The following RSF1 variants were observed in gnomAD, a reference collection of about 807,000 sequenced individuals.
The protein encoded by RSF1 is HBV pX-associated protein 8.
A neutral mutation model predicts 145.2 loss-of-function variants in RSF1; 13 were observed. The observed-to-expected ratio is 0.09, with a 90% CI of 0.06 to 0.14. RSF1 has a LOEUF of 0.14. Ranked by LOEUF, RSF1 falls within the 10% of genes least tolerant of loss-of-function variation. The pLI, the probability that RSF1 is intolerant of heterozygous loss-of-function variation, is 1.00. For missense variants in RSF1, 1,517 were observed against 1,718.2 expected (o/e 0.88, Z 2.07); for synonymous variants, 577 against 592.6 (o/e 0.97, Z 0.38).
intron 1 of RSF1, among the ~76,000 whole-genome samples, chr11:77,813,911 TAAG>T (rs915789427): frequency 1.3e-5 from 2 of 149,190 alleles, no homozygotes; most frequent in African/African-American, 5.0e-5. Flanking sequence ...AGGATAAAAA[TAAG>T]AAGTGGCTGG....
At chr11:77,846,535 C>T in the RSF1 span, among the ~76,000 whole-genome samples, 61 of 152,106 alleles carry the variant, frequency 4.0e-4, no homozygotes, top group Admixed American at 2.6e-3. Context: ...GGAGAAACCC[C>T]GTCTCTACTA....
Position 77,662,181 on chromosome 11 carries a change from T to C in RSF1, c.*4736A>G, listed in dbSNP as rs1246125834. On this transcript the variant is annotated 3_prime_UTR_variant, in exon 16 of 16. Transcript: ENST00000308488. The stretch of plus-strand genomic sequence containing the variant: ...ACTCATCTATTGTTATGCCCTCTTA[T>C]ATAACTTATGTATAGGATAGTCATA... The C allele has an allele frequency of 6.6e-6, 1 of 152,158 alleles. No homozygotes were observed. Among genetic ancestry groups the C allele is most frequent in the Non-Finnish European group, 1.5e-5 (1 of 68,022 alleles). The allele number at this position is 152,158 out of a possible 1,614,324, so 9.4% of individuals were successfully genotyped here.
In RSF1 at chr11:77,663,432, AC is replaced by A. The variant is rs1432379077; in HGVS notation, c.*3484del. ...AAAGTAAAAACTGGGTACGTGTAAC[AC>A]CCTTTTAAAATTAATTTGTTTAAAA... On this transcript the variant is annotated 3_prime_UTR_variant, in exon 16 of 16. Coordinates refer to ENST00000308488, the MANE Select transcript of RSF1 (RefSeq NM_016578.4). The A allele has an allele frequency of 1.3e-5, 2 of 152,176 alleles. No individual in the cohort carries two copies. The highest frequency in any genetic ancestry group is 4.8e-5 in the African/African-American group (2 of 41,448). The allele number at this position is 152,176 out of a possible 1,614,324, so 9.4% of individuals were successfully genotyped here. A position where few individuals can be genotyped will look rare whatever the true frequency, so the allele number is the denominator to read the frequency against.
intron 1 of RSF1, among the ~76,000 whole-genome samples, chr11:77,769,742 A>C (rs1293066647): frequency 6.6e-6 from 1 of 152,254 alleles, no homozygotes; most frequent in African/African-American, 2.4e-5. Flanking sequence ...TGTGTTACTT[A>C]TAATTTTACT....
intron 1 of RSF1, among the ~76,000 whole-genome samples, chr11:77,815,641 GA>G (rs931363287): frequency 5.9e-5 from 9 of 151,860 alleles, no homozygotes; most frequent in Non-Finnish European, 8.8e-5. Flanking sequence ...AAATCTCAGA[GA>G]AAAAAAACTA....
At chr11:77,837,169 T>A in the RSF1 span, among the ~76,000 whole-genome samples, 1 of 152,172 alleles carries the variant, frequency 6.6e-6, no homozygotes, top group Non-Finnish European at 1.5e-5. Context: ...GTAGTCTCGC[T>A]CTGTCACCCA....
At chr11:77,861,755 G>A in the RSF1 span, among the ~76,000 whole-genome samples, 16 of 152,160 alleles carry the variant, frequency 1.1e-4, no homozygotes, top group Non-Finnish European at 1.9e-4. Flanking sequence ...AGCCTCCAAA[G>A]TCCGCTTGCC....
intron 1 of RSF1, among the ~76,000 whole-genome samples, chr11:77,774,015 A>C (rs1419141449): frequency 6.6e-6 from 1 of 152,238 alleles, no homozygotes; most frequent in East Asian, 1.9e-4. Flanking sequence ...AAGGAGAAAG[A>C]AAATAAAGGT....
chr11:77,708,199 C>G (rs529342229), intron 5 of RSF1, among the ~76,000 whole-genome samples: 1 of 152,166 alleles, frequency 6.6e-6, no homozygotes. Context: ...GTGGGCAGAT[C>G]ATTTGAGCCC....
At chr11:77,761,828 A>T (rs369613106) in intron 2 of RSF1, among the ~76,000 whole-genome samples, 6 of 119,542 alleles carry the variant, frequency 5.0e-5, no homozygotes, top group Admixed American at 2.9e-4. Context: ...CCATTCGGTG[A>T]TTTTTTTTTT....
Position 77,808,356 on chromosome 11 carries a change from C to CA in RSF1, c.187+12171dup, listed in dbSNP as rs1565187318. 1.7e-3 allele frequency among the ~76,000 whole-genome samples: 256 copies of CA among 151,664 alleles called. 1 individual carries two copies. Among genetic ancestry groups the CA allele is most frequent in the African/African-American group, 5.7e-3 (235 of 41,342 alleles). On this transcript the variant is annotated intron_variant, in intron 1 of 15. Transcript: ENST00000308488. ...AAAAAAACAAACAAACAAACAAAAA[C>CA]ACAACAACAGCAAGAAAATTATTTC...
At chr11:77,827,092 G>A in the RSF1 span, among the ~76,000 whole-genome samples, 5 of 142,762 alleles carry the variant, frequency 3.5e-5, no homozygotes, top group Non-Finnish European at 3.0e-5. Context: ...GTGACAGAGC[G>A]AAACTCGTCT....
intron 5 of RSF1, among the ~76,000 whole-genome samples, chr11:77,704,448 C>T (rs554772045): frequency 1.4e-4 from 22 of 152,292 alleles, no homozygotes; most frequent in South Asian, 6.2e-4. Context: ...CCTGATCCAA[C>T]GTAAAATTAA....
At chr11:77,808,456 C>T (rs577819483) in intron 1 of RSF1, among the ~76,000 whole-genome samples, 3 of 151,354 alleles carry the variant, frequency 2.0e-5, no homozygotes, top group African/African-American at 7.3e-5. Context: ...AATATCAAGG[C>T]ATTCAACTGT....
intron 9 of RSF1, among the ~76,000 whole-genome samples, chr11:77,688,299 A>G (rs987371913): frequency 6.6e-6 from 1 of 152,168 alleles, no homozygotes; most frequent in Admixed American, 6.5e-5. Flanking sequence ...CTCTGTCTCA[A>G]AACAAAACAA....
At chr11:77,859,548 G>A in the RSF1 span, among the ~76,000 whole-genome samples, 1 of 152,148 alleles carries the variant, frequency 6.6e-6, no homozygotes. Context: ...TAATTCTAGT[G>A]CCCGAGTGAG....
chr11:77,859,089 TG>T, the RSF1 span, among the ~76,000 whole-genome samples: 5 of 152,330 alleles, frequency 3.3e-5, no homozygotes, highest in South Asian at 1.0e-3. Context: ...TAATTTCCAT[TG>T]GTTAGCTGCA....
rs1409861082 is a variant in RSF1, at chr11:77,789,509, G to A, written c.188-24820C>T. Among the ~76,000 whole-genome samples, 3 of 152,222 alleles carry A rather than the reference G, an allele frequency of 2.0e-5. No individual in the cohort carries two copies. In the East Asian group the frequency reaches 5.8e-4, roughly 29 times the overall value. On this transcript the variant is annotated intron_variant, in intron 1 of 15. Coordinates refer to ENST00000308488, the MANE Select transcript of RSF1 (RefSeq NM_016578.4). The stretch of plus-strand genomic sequence containing the variant: ...TACCTCTGTCAGGGTTGAAGCATGA[G>A]CAAGTGGCAGGCCACTATGGCCACA...
chr11:77,831,934 T>C, the RSF1 span: 4 of 143,642 alleles, frequency 2.8e-5, no homozygotes, highest in Middle Eastern at 3.5e-3. Flanking sequence ...GGTCTTGAAC[T>C]CCTGACCTCA....
Sources: gnomAD v4.1 joint callset for allele counts (sites outside exome capture counted in the v4.1 genomes callset) on GRCh38, gnomAD v4.1.1 for gene constraint, MANE v1.5 for transcripts, NCBI Gene and HGNC (gene_info 2026-07-23, HGNC 2026-07-21) for gene names.